Variants in GALNT13 observed in about 807,000 individuals in gnomAD.
GALNT13 encodes polypeptide N-acetylgalactosaminyltransferase 13, also known as UDP-GalNAc:polypeptide N-acetylgalactosaminyltransferase 13.
GALNT13 carries 28 observed loss-of-function variants against 64.2 expected under a neutral mutation model. The ratio of observed to expected loss-of-function variants is 0.44; its 90% CI spans 0.32 to 0.60. The LOEUF (loss-of-function observed/expected upper bound fraction) is 0.60, where lower values mean the gene tolerates loss of function less well. GALNT13 is among the 20% of genes least tolerant of loss of function. The probability of loss-of-function intolerance (pLI) is 0.05; values close to 1 mark genes in which losing one functional copy is unlikely to be tolerated. For synonymous variants in GALNT13, 214 were observed against 224.6 expected (o/e 0.95, Z 0.42); for missense variants, 577 against 669.8 (o/e 0.86, Z 1.53).
At chr2:153,113,985 A>G in the GALNT13 span, among the ~76,000 whole-genome samples, 35 of 152,228 alleles carry the variant, frequency 2.3e-4, no homozygotes, top group African/African-American at 7.0e-4. Flanking sequence ...AGTTCTTCCC[A>G]ATGTTTTCAT....
the GALNT13 span, among the ~76,000 whole-genome samples, chr2:153,539,209 C>T: frequency 6.6e-6 from 1 of 152,044 alleles, no homozygotes; most frequent in African/African-American, 2.4e-5. Flanking sequence ...AGTGTCTGTT[C>T]ATGTCCTTTG....
chr2:153,102,948 A>G, the GALNT13 span, among the ~76,000 whole-genome samples: 1 of 152,168 alleles, frequency 6.6e-6, no homozygotes, highest in Non-Finnish European at 1.5e-5. Flanking sequence ...AGTAAGAGGT[A>G]TAGCATGTTG....
chr2:153,772,599 T>G, the GALNT13 span, among the ~76,000 whole-genome samples: 1 of 152,224 alleles, frequency 6.6e-6, no homozygotes. Flanking sequence ...CTTTATGCAC[T>G]GTTTTGCTAT....
chr2:153,636,509 G>A, the GALNT13 span, among the ~76,000 whole-genome samples: 2 of 152,090 alleles, frequency 1.3e-5, no homozygotes, highest in Admixed American at 1.3e-4. Context: ...AATAGTTACA[G>A]TTACAAAATG....
the GALNT13 span, among the ~76,000 whole-genome samples, chr2:153,824,134 G>T: frequency 6.6e-6 from 1 of 152,072 alleles, no homozygotes. Flanking sequence ...TGGTGAGCCT[G>T]CAGAGGAAAG....
chr2:154,292,985 A>G (rs948492860), intron 8 of GALNT13, among the ~76,000 whole-genome samples: 1 of 152,206 alleles, frequency 6.6e-6, no homozygotes, highest in Non-Finnish European at 1.5e-5. Context: ...AGCAATGGGC[A>G]TTTTACATTT....
chr2:153,515,827 A>G, the GALNT13 span, among the ~76,000 whole-genome samples: 1 of 152,180 alleles, frequency 6.6e-6, no homozygotes, highest in Non-Finnish European at 1.5e-5. Context: ...AGGTGAAAAA[A>G]AAAGTATGTG....
chr2:154,304,211 C>G (rs2105105053), intron 9 of GALNT13, among the ~76,000 whole-genome samples: 1 of 152,252 alleles, frequency 6.6e-6, no homozygotes, highest in South Asian at 2.1e-4. Flanking sequence ...CAAGCCTCTT[C>G]TATGTTAAAA....
chr2:154,085,172 ACTC>A (rs1332432794), intron 3 of GALNT13, among the ~76,000 whole-genome samples: 4 of 151,996 alleles, frequency 2.6e-5, no homozygotes, highest in African/African-American at 9.7e-5. Context: ...AGATAAAAAC[ACTC>A]TAATTGAAGA....
At chr2:154,251,558 C>T (rs1690072401) in intron 7 of GALNT13, among the ~76,000 whole-genome samples, 1 of 152,130 alleles carries the variant, frequency 6.6e-6, no homozygotes, top group Non-Finnish European at 1.5e-5. Flanking sequence ...TTCATCGACT[C>T]TGCAGGATTT....
intron 4 of GALNT13, among the ~76,000 whole-genome samples, chr2:154,209,726 A>C (rs938255252): frequency 6.6e-6 from 1 of 152,126 alleles, no homozygotes; most frequent in Non-Finnish European, 1.5e-5. Context: ...TCCCTTTTTA[A>C]ATTGTTAATT....
chr2:153,764,034 T>C, the GALNT13 span, among the ~76,000 whole-genome samples: 1,866 of 152,248 alleles, frequency 0.012, 50 homozygotes, highest in African/African-American at 0.043. Flanking sequence ...TTGACCAAAA[T>C]GCTGATAGTG....
chr2:154,036,175 G>C (rs144423848), intron 3 of GALNT13, among the ~76,000 whole-genome samples: 20 of 152,152 alleles, frequency 1.3e-4, no homozygotes, highest in African/African-American at 4.8e-4. Flanking sequence ...AAGAAATACT[G>C]TTATAGCAAC....
the GALNT13 span, among the ~76,000 whole-genome samples, chr2:153,147,541 CTTT>C: frequency 6.1e-5 from 8 of 132,088 alleles, no homozygotes; most frequent in Non-Finnish European, 6.6e-5. Context: ...AAGCATTAGA[CTTT>C]TTTTTTTTTT....
At chr2:153,654,051 G>T in the GALNT13 span, among the ~76,000 whole-genome samples, 2 of 152,000 alleles carry the variant, frequency 1.3e-5, no homozygotes, top group African/African-American at 4.8e-5. Context: ...CTCCTGATAA[G>T]ATGCATTAAG....
At chr2:153,158,101 A>C in the GALNT13 span, among the ~76,000 whole-genome samples, 1 of 152,168 alleles carries the variant, frequency 6.6e-6, no homozygotes, top group African/African-American at 2.4e-5. Flanking sequence ...TCTTTTTAAA[A>C]TTAGTCCAAA....
At chr2:153,630,229 CAG>C in the GALNT13 span, among the ~76,000 whole-genome samples, 1 of 151,964 alleles carries the variant, frequency 6.6e-6, no homozygotes, top group African/African-American at 2.4e-5. Context: ...TTCACAATAG[CAG>C]AGACTTGGAA....
intron 3 of GALNT13, among the ~76,000 whole-genome samples, chr2:153,998,017 C>G (rs1298207850): frequency 6.6e-6 from 1 of 152,120 alleles, no homozygotes; most frequent in Non-Finnish European, 1.5e-5. Context: ...TGTATATGTG[C>G]CACATTTTCT....
the GALNT13 span, among the ~76,000 whole-genome samples, chr2:153,413,105 A>G: frequency 6.6e-6 from 1 of 152,162 alleles, no homozygotes; most frequent in East Asian, 1.9e-4. Context: ...AGAGTTGGAA[A>G]GATCAGGCTG....
Sources: gnomAD v4.1 joint callset for allele counts (sites outside exome capture counted in the v4.1 genomes callset) on GRCh38, gnomAD v4.1.1 for gene constraint, MANE v1.5 for transcripts, NCBI Gene and HGNC (gene_info 2026-07-23, HGNC 2026-07-21) for gene names.